EVA1C: variants seen among roughly 807,000 people sequenced by gnomAD.
The protein encoded by EVA1C is eva-1 homolog C.
Under a neutral mutation model 45.4 loss-of-function variants are expected in EVA1C, and 25 were observed. The observed-to-expected ratio is 0.55, with a 90% CI of 0.40 to 0.77. The LOEUF is 0.77. EVA1C is among the 30% of genes least tolerant of loss of function. The pLI is 0.00. For missense variants in EVA1C, 479 were observed against 554.8 expected (o/e 0.86, Z 1.37); for synonymous variants, 190 against 221.2 (o/e 0.86, Z 1.25).
chr21:32,509,100 T>C (rs1354826128), intron 7 of EVA1C, among the ~76,000 whole-genome samples: 4 of 152,234 alleles, frequency 2.6e-5, no homozygotes, highest in Middle Eastern at 3.2e-3. Context: ...CCTGGGACCA[T>C]GGAGAGAGCC....
chr21:32,435,627 G>C (rs895944327), intron 1 of EVA1C, among the ~76,000 whole-genome samples: 1 of 152,134 alleles, frequency 6.6e-6, no homozygotes, highest in Non-Finnish European at 1.5e-5. Context: ...ATATGCCCAC[G>C]ACCAACCCCT....
At chr21:32,498,819 G>C (rs546174680) in intron 5 of EVA1C, among the ~76,000 whole-genome samples, 2 of 152,234 alleles carry the variant, frequency 1.3e-5, no homozygotes, top group East Asian at 3.9e-4. Context: ...ATGAAGAGTG[G>C]TCCCTAGTGT....
At chr21:32,463,569 T>C (rs2036074811) in intron 3 of EVA1C, among the ~76,000 whole-genome samples, 2 of 152,126 alleles carry the variant, frequency 1.3e-5, no homozygotes, top group Admixed American at 6.6e-5. Flanking sequence ...TTCCAGGAGA[T>C]GGTTTGCCCA....
Position 32,481,052 on chromosome 21 carries a change from G to A in EVA1C, c.634+13204G>A, listed in dbSNP as rs187486199. Among the ~76,000 whole-genome samples the A allele has an allele frequency of 8.1e-3, 1,241 of 152,278 alleles. 5 individuals are homozygous for A. Among genetic ancestry groups the A allele is most frequent in the South Asian group, 0.017 (80 of 4,826 alleles). On this transcript the variant is annotated intron_variant, in intron 4 of 7. Coordinates refer to ENST00000300255, the MANE Select transcript of EVA1C (RefSeq NM_058187.5). ...TTACACACAGAAAAGTGACTAGGAA[G>A]ATATTCTTTAAAGGTTAATAGCTTT...
chr21:32,447,125 C>T (rs764197262), intron 1 of EVA1C, among the ~76,000 whole-genome samples: 3 of 152,170 alleles, frequency 2.0e-5, no homozygotes, highest in Non-Finnish European at 4.4e-5. Context: ...ATGAGCCTGG[C>T]GCAGTGGCTC....
At chr21:32,510,043 CTTTT>C (rs58017017) in intron 7 of EVA1C, among the ~76,000 whole-genome samples, 1 of 114,520 alleles carries the variant, frequency 8.7e-6, no homozygotes, top group African/African-American at 3.8e-5. Flanking sequence ...TCCGACATTC[CTTTT>C]TTTTTTTTTT....
In EVA1C at chr21:32,515,205, T is replaced by C; in HGVS notation, c.*15T>C. 1 of 1,553,220 alleles carries C rather than the reference T, an allele frequency of 6.4e-7. No homozygotes were observed. Among genetic ancestry groups the C allele is most frequent in the Non-Finnish European group, 8.7e-7 (1 of 1,146,316 alleles). ...AGTTCTACTGAAAACCACATGCATC[T>C]TGATGCGATCGCACTTTCTGAAGAA... is the stretch of plus-strand genomic sequence containing the variant. On this transcript the variant is annotated 3_prime_UTR_variant, in exon 8 of 8. Coordinates refer to ENST00000300255, the MANE Select transcript of EVA1C (RefSeq NM_058187.5).
intron 4 of EVA1C, among the ~76,000 whole-genome samples, chr21:32,473,308 TCTC>T (rs914940280): frequency 1.5e-4 from 23 of 152,288 alleles, no homozygotes; most frequent in Admixed American, 1.4e-3. Context: ...GTCTCCACCT[TCTC>T]CTCCCTTCTC....
At chr21:32,464,072 G>A (rs1873929242) in intron 3 of EVA1C, among the ~76,000 whole-genome samples, 1 of 152,158 alleles carries the variant, frequency 6.6e-6, no homozygotes, top group Non-Finnish European at 1.5e-5. Context: ...GCATATAAAT[G>A]CCAGTGCGGA....
In EVA1C at chr21:32,474,456, A is replaced by C. The variant is rs2146325663; in HGVS notation, c.634+6608A>C. Among the ~76,000 whole-genome samples the C allele has an allele frequency of 6.6e-6, 1 of 152,258 alleles. No individual in the cohort carries two copies. The highest frequency in any genetic ancestry group is 2.1e-4 in the South Asian group (1 of 4,818). On this transcript the variant is annotated intron_variant, in intron 4 of 7. Transcript: ENST00000300255. The surrounding 1 kb of genome is among the most constrained non-coding windows in gnomAD (Gnocchi z 4.4). Reference sequence around the variant, plus strand: ...GCTGGCTTTGCCACACAAGACATCGACCCAGATGTCATCTCAGAGAGGTTT... The same window carrying C: ...GCTGGCTTTGCCACACAAGACATCGCCCCAGATGTCATCTCAGAGAGGTTT...
At chr21:32,453,195 C>A in intron 1 of EVA1C, 117 bp from the exon 2 acceptor site, 3 of 658,326 alleles carry the variant, frequency 4.6e-6, no homozygotes, top group Middle Eastern at 4.4e-4. Context: ...AGGCCCCATC[C>A]CACATGTTGT....
At chr21:32,453,596 A>G (rs377393954) in intron 2 of EVA1C, 88 bp downstream of exon 2, 52 of 1,045,506 alleles carry the variant, frequency 5.0e-5, no homozygotes, top group East Asian at 1.6e-4. Flanking sequence ...TTGTGATTAT[A>G]TAGTTCAATC....
chr21:32,437,179 C>CAAAACA (rs368504892), intron 1 of EVA1C, among the ~76,000 whole-genome samples: 102 of 134,848 alleles, frequency 7.6e-4, no homozygotes, highest in African/African-American at 2.0e-3. Context: ...CAAAACAAAA[C>CAAAACA]AAACATAGAT....
At position 32,480,038 on chromosome 21, in the gene EVA1C, C is replaced by T. The variant is rs1601382246; in HGVS notation, c.634+12190C>T. 3.9e-5 allele frequency among the ~76,000 whole-genome samples: 6 copies of T among 152,198 alleles called. 1 individual carries two copies. The South Asian group carries it at 1.2e-3, about 32-fold the overall frequency. ...ATGTTTGGAATACCCTTTAACAAAG[C>T]AACCTACTTCCAATAATTCCTATGG... On this transcript the variant is annotated intron_variant, in intron 4 of 7. Coordinates refer to ENST00000300255, the MANE Select transcript of EVA1C (RefSeq NM_058187.5).
intron 7 of EVA1C, among the ~76,000 whole-genome samples, chr21:32,506,243 C>T (rs1170635117): frequency 6.8e-6 from 1 of 147,232 alleles, no homozygotes; most frequent in African/African-American, 2.5e-5. Flanking sequence ...TGTGGTATCC[C>T]TGTATCTAGG....
intron 1 of EVA1C, among the ~76,000 whole-genome samples, chr21:32,426,471 T>C (rs2034492508): frequency 6.6e-6 from 1 of 152,000 alleles, no homozygotes; most frequent in Non-Finnish European, 1.5e-5. Flanking sequence ...CTTTCCTCCT[T>C]CCCTGTGTTC....
At chr21:32,503,284 G>A (rs543782914) in intron 6 of EVA1C, among the ~76,000 whole-genome samples, 15 of 152,300 alleles carry the variant, frequency 9.8e-5, no homozygotes, top group Middle Eastern at 3.4e-3. Flanking sequence ...AGTGGCTCAC[G>A]CCTGTTATCC....
intron 1 of EVA1C, among the ~76,000 whole-genome samples, chr21:32,447,450 T>G (rs1332806472): frequency 1.3e-5 from 2 of 152,190 alleles, no homozygotes; most frequent in African/African-American, 4.8e-5. Context: ...CATACATATA[T>G]GCACAAGCCT....
chr21:32,512,056 T>C (rs2037973589), intron 7 of EVA1C, among the ~76,000 whole-genome samples: 1 of 151,754 alleles, frequency 6.6e-6, no homozygotes, highest in Admixed American at 6.6e-5. Context: ...TTAAATAAAA[T>C]TTTAGGAATA....
Sources: gnomAD v4.1 joint callset for allele counts (sites outside exome capture counted in the v4.1 genomes callset) on GRCh38, gnomAD v4.1.1 for gene constraint, Gnocchi (gnomAD v3.1) non-coding constraint, MANE v1.5 for transcripts, NCBI Gene and HGNC (gene_info 2026-07-23, HGNC 2026-07-21) for gene names.